The following FMNL2 variants were observed in gnomAD, a reference collection of about 807,000 sequenced individuals.
FMNL2 encodes the protein formin like 2.
In FMNL2, 51 loss-of-function variants were observed where a neutral mutation model predicts 130.2. The ratio of observed to expected loss-of-function variants is 0.39; its 90% CI spans 0.31 to 0.49. FMNL2 has a LOEUF of 0.49. FMNL2 is among the 20% of genes least tolerant of loss of function. The probability of loss-of-function intolerance (pLI) is 0.85; values close to 1 mark genes in which losing one functional copy is unlikely to be tolerated. For synonymous variants in FMNL2, 465 were observed against 467.1 expected, an observed-to-expected ratio of 1.00 and a Z score of 0.06; for missense variants, 977 against 1,316.2, an observed-to-expected ratio of 0.74 and a Z score of 3.99.
chr2:152,364,292 T>TTTA (rs1683382364), intron 1 of FMNL2, among the ~76,000 whole-genome samples: 1 of 123,038 alleles, frequency 8.1e-6, no homozygotes, highest in Non-Finnish European at 1.7e-5. Flanking sequence ...TTTTTTTTTT[T>TTTA]ACCAGATCCT....
chr2:152,593,647 C>A (rs1697555402), intron 9 of FMNL2, among the ~76,000 whole-genome samples: 1 of 152,150 alleles, frequency 6.6e-6, no homozygotes, highest in African/African-American at 2.4e-5. Context: ...AAATAATATA[C>A]ACTTAATGAA....
intron 9 of FMNL2, among the ~76,000 whole-genome samples, chr2:152,591,039 C>T (rs1013116850): frequency 9.1e-6 from 1 of 109,510 alleles, no homozygotes; most frequent in African/African-American, 3.5e-5. Context: ...CAGCATCTCA[C>T]TCTGTCACCA....
intron 1 of FMNL2, among the ~76,000 whole-genome samples, chr2:152,514,794 C>T (rs148239214): frequency 3.3e-5 from 5 of 152,206 alleles, no homozygotes; most frequent in Admixed American, 6.5e-5. Context: ...TTGTTCTCCA[C>T]GAACCTATTT....
chr2:152,377,320 A>G (rs1405061663), intron 1 of FMNL2, among the ~76,000 whole-genome samples: 2 of 152,212 alleles, frequency 1.3e-5, no homozygotes, highest in Non-Finnish European at 1.5e-5. Context: ...TTCCTTCACT[A>G]GATCTTGAAA....
At chr2:152,553,314 A>G (rs10497106) in intron 4 of FMNL2, among the ~76,000 whole-genome samples, 34,595 of 152,030 alleles carry the variant, frequency 0.23, 4,865 homozygotes, top group African/African-American at 0.39. Context: ...GGTTATAATC[A>G]TTTTGTCATT....
At chr2:152,352,989 A>T (rs1429824928) in intron 1 of FMNL2, among the ~76,000 whole-genome samples, 4 of 152,074 alleles carry the variant, frequency 2.6e-5, no homozygotes. Context: ...ATGTGATCTT[A>T]TTTCTATTTA....
At chr2:152,493,148 A>G (rs1166282878) in intron 1 of FMNL2, among the ~76,000 whole-genome samples, 1 of 152,232 alleles carries the variant, frequency 6.6e-6, no homozygotes, top group East Asian at 1.9e-4. Context: ...GGGGCAGCCT[A>G]TAAGAGCTAT....
At chr2:152,551,274 C>G (rs1694923174) in intron 4 of FMNL2, among the ~76,000 whole-genome samples, 1 of 152,094 alleles carries the variant, frequency 6.6e-6, no homozygotes, top group African/African-American at 2.4e-5. Flanking sequence ...GGGTTGAAGC[C>G]AGTGCAGTCT....
intron 1 of FMNL2, among the ~76,000 whole-genome samples, chr2:152,488,355 A>T (rs1690956111): frequency 6.6e-6 from 1 of 152,242 alleles, no homozygotes; most frequent in Non-Finnish European, 1.5e-5. Flanking sequence ...CAAGTCCGCA[A>T]ATAAGCTTTT....
At chr2:152,610,109 G>A (rs1317921702) in intron 10 of FMNL2, among the ~76,000 whole-genome samples, 1 of 152,176 alleles carries the variant, frequency 6.6e-6, no homozygotes, top group African/African-American at 2.4e-5. Flanking sequence ...GGAAAGATGG[G>A]TCAAGGATCT....
At chr2:152,404,739 T>A (rs542698376) in intron 1 of FMNL2, among the ~76,000 whole-genome samples, 1 of 152,302 alleles carries the variant, frequency 6.6e-6, no homozygotes, top group South Asian at 2.1e-4. Context: ...GTCCAGTGGG[T>A]GCCGTTAGCT....
Position 152,593,494 on chromosome 2 carries a change from T to G in FMNL2, c.876+12445T>G, listed in dbSNP as rs866435122. ...ATGCTGGAGTCTGGAAGACAGGTGG[T>G]TCAGTTGTCAAATGACTCAGCCTTG... On this transcript the variant is annotated intron_variant, in intron 9 of 25. Coordinates refer to ENST00000288670, the MANE Select transcript of FMNL2 (RefSeq NM_052905.4). Among the ~76,000 whole-genome samples the G allele has an allele frequency of 2.0e-5, 3 of 152,082 alleles. No individual in the cohort carries two copies. In the East Asian group the frequency reaches 5.8e-4, roughly 29 times the overall value.
At chr2:152,367,642 G>A (rs1414280980) in intron 1 of FMNL2, among the ~76,000 whole-genome samples, 3 of 152,168 alleles carry the variant, frequency 2.0e-5, no homozygotes, top group Admixed American at 1.3e-4. Context: ...ATCTTGTCTC[G>A]CTTCCTCTCC....
chr2:152,611,404 A>G (rs1159025837), intron 10 of FMNL2, 91 bp from the exon 11 acceptor site: 2 of 638,380 alleles, frequency 3.1e-6, no homozygotes, highest in Non-Finnish European at 5.5e-6. Flanking sequence ...TCGGTAAGTG[A>G]GCCTTTTTTA....
chr2:152,639,295 G>A (rs1682886334), intron 23 of FMNL2, among the ~76,000 whole-genome samples: 1 of 152,222 alleles, frequency 6.6e-6, no homozygotes. Context: ...GGAGGATGTG[G>A]TGTCTGTGAC....
chr2:152,518,623 T>C (rs561263092), intron 1 of FMNL2, among the ~76,000 whole-genome samples: 1 of 152,174 alleles, frequency 6.6e-6, no homozygotes, highest in Non-Finnish European at 1.5e-5. Flanking sequence ...TTATTAACTG[T>C]ACCCCATTCA....
chr2:152,572,190 T>C (rs1394164914), intron 6 of FMNL2, among the ~76,000 whole-genome samples: 2 of 152,154 alleles, frequency 1.3e-5, no homozygotes, highest in African/African-American at 2.4e-5. Context: ...TAAAAAGGCC[T>C]TCTAGGAGAC....
chr2:152,435,128 G>A (rs1386037019), intron 1 of FMNL2, among the ~76,000 whole-genome samples: 1 of 152,002 alleles, frequency 6.6e-6, no homozygotes, highest in African/African-American at 2.4e-5. Context: ...TAAATTTTTT[G>A]ACTCAGATAC....
intron 1 of FMNL2, among the ~76,000 whole-genome samples, chr2:152,518,917 G>T (rs189427444): frequency 6.6e-6 from 1 of 152,120 alleles, no homozygotes; most frequent in Non-Finnish European, 1.5e-5. Flanking sequence ...ATGGCTTCCC[G>T]TGGCACTTCA....
Sources: gnomAD v4.1 joint callset for allele counts (sites outside exome capture counted in the v4.1 genomes callset) on GRCh38, gnomAD v4.1.1 for gene constraint, MANE v1.5 for transcripts, NCBI Gene and HGNC (gene_info 2026-07-23, HGNC 2026-07-21) for gene names.